Variants in DLG2 observed in about 807,000 individuals in gnomAD.
The protein encoded by DLG2 is discs large MAGUK scaffold protein 2, also known as disks large homolog 2.
A neutral mutation model predicts 132.5 loss-of-function variants in DLG2; 45 were observed. That is an observed-to-expected ratio of 0.34 (90% CI 0.27 to 0.44). DLG2 has a LOEUF of 0.44. DLG2 is among the 20% of genes least tolerant of loss of function. The pLI is 1.00. For synonymous variants in DLG2, 424 were observed against 419.6 expected (o/e 1.01, Z -0.13); for missense variants, 1,045 against 1,196.9 (o/e 0.87, Z 1.87).
intron 3 of DLG2, among the ~76,000 whole-genome samples, chr11:85,589,119 G>C (rs527508882): frequency 6.6e-6 from 1 of 152,340 alleles, no homozygotes; most frequent in African/African-American, 2.4e-5. Flanking sequence ...TTGTAGATAT[G>C]TTTAGTGTGC....
intron 4 of DLG2, among the ~76,000 whole-genome samples, chr11:85,272,491 C>T (rs1464124987): frequency 6.6e-6 from 1 of 152,122 alleles, no homozygotes; most frequent in Non-Finnish European, 1.5e-5. Context: ...AGGCAGAATT[C>T]CTTCTCCAGA....
At position 85,167,540 on chromosome 11, in the gene DLG2, G is replaced by A. The variant is rs113634169; in HGVS notation, c.187-12889C>T. ...AGAGGAACCCTCCTAATACCCAGAG[G>A]GAAAGAACATCCTTGTGCTCAAAGA... On this transcript the variant is annotated intron_variant, in intron 4 of 27. Transcript: ENST00000376104. Among the ~76,000 whole-genome samples the A allele has an allele frequency of 1.3e-3, 194 of 152,060 alleles. 1 individual carries two copies. Among genetic ancestry groups the A allele is most frequent in the African/African-American group, 4.5e-3 (185 of 41,486 alleles).
chr11:84,774,579 T>C (rs2153896036), intron 6 of DLG2, among the ~76,000 whole-genome samples: 1 of 152,254 alleles, frequency 6.6e-6, no homozygotes, highest in African/African-American at 2.4e-5. Context: ...CAAAACAGTA[T>C]GGCACTGGTA....
chr11:84,338,339 G>C (rs2098497613), intron 7 of DLG2, among the ~76,000 whole-genome samples: 1 of 151,950 alleles, frequency 6.6e-6, no homozygotes, highest in African/African-American at 2.4e-5. Context: ...TCTCTTCTCT[G>C]AAAATGTTTA....
chr11:84,065,802 T>C (rs7108711), intron 10 of DLG2, among the ~76,000 whole-genome samples: 120,566 of 152,102 alleles, frequency 0.79, 49,078 homozygotes, highest in Middle Eastern at 0.92. Flanking sequence ...ATAGCAAAGA[T>C]ATAGACTCAA....
At chr11:84,299,627 T>C (rs571132353) in intron 7 of DLG2, among the ~76,000 whole-genome samples, 1 of 152,244 alleles carries the variant, frequency 6.6e-6, no homozygotes, top group South Asian at 2.1e-4. Context: ...AGGCTCTGAG[T>C]GAACTGCAAA....
chr11:83,689,999 ATATT>A lies in DLG2; in HGVS notation c.1826-56678_1826-56675del, dbSNP rs1433686643. 8.4e-3 allele frequency among the ~76,000 whole-genome samples: 1,215 copies of A among 144,222 alleles called. 20 individuals carry two copies. Among genetic ancestry groups the A allele is most frequent in the African/African-American group, 0.028 (1,111 of 39,324 alleles). 94.6% of individuals were successfully genotyped at this position (144,222 alleles called of 152,430 possible). ...ATTATAATATATTTATTATAATATT[ATATT>A]TATTATAATATTTAATAAATATTTA... is the stretch of plus-strand genomic sequence containing the variant. On this transcript the variant is annotated intron_variant, in intron 18 of 27. Coordinates refer to ENST00000376104, the MANE Select transcript of DLG2 (RefSeq NM_001142699.3).
chr11:83,671,132 G>T (rs1246120102), intron 18 of DLG2, among the ~76,000 whole-genome samples: 1 of 152,094 alleles, frequency 6.6e-6, no homozygotes, highest in African/African-American at 2.4e-5. Context: ...AACTAAATGG[G>T]TTTGGTACAA....
At chr11:84,339,941 C>A (rs559155942) in intron 7 of DLG2, among the ~76,000 whole-genome samples, 1 of 152,108 alleles carries the variant, frequency 6.6e-6, no homozygotes, top group South Asian at 2.1e-4. Context: ...CCTGGCCATA[C>A]GTCCATCTAA....
intron 6 of DLG2, among the ~76,000 whole-genome samples, chr11:84,782,896 G>T (rs780144528): frequency 6.6e-6 from 1 of 151,982 alleles, no homozygotes; most frequent in Non-Finnish European, 1.5e-5. Context: ...CAGCATCAGC[G>T]TACCTTTCTG....
chr11:84,863,933 T>TA (rs1011881058), intron 6 of DLG2, among the ~76,000 whole-genome samples: 10 of 152,272 alleles, frequency 6.6e-5, no homozygotes, highest in South Asian at 6.2e-4. Context: ...TTTGAGTTTT[T>TA]AAAAAAATAC....
At chr11:84,505,736 T>A (rs975278001) in intron 7 of DLG2, among the ~76,000 whole-genome samples, 1 of 152,156 alleles carries the variant, frequency 6.6e-6, no homozygotes, top group Non-Finnish European at 1.5e-5. Flanking sequence ...ATGTGACATC[T>A]TCATACACCT....
At chr11:83,667,125 A>AG (rs1452339865) in intron 18 of DLG2, among the ~76,000 whole-genome samples, 2 of 152,220 alleles carry the variant, frequency 1.3e-5, no homozygotes, top group East Asian at 3.8e-4. Flanking sequence ...TAAAAATATG[A>AG]ATAAAGGATA....
chr11:83,775,721 CTT>C (rs11388016), intron 18 of DLG2, among the ~76,000 whole-genome samples: 2 of 143,640 alleles, frequency 1.4e-5, no homozygotes. Flanking sequence ...TGTCATTATT[CTT>C]TTTTTTTTTT....
intron 6 of DLG2, among the ~76,000 whole-genome samples, chr11:84,844,659 G>A (rs1330698259): frequency 6.6e-6 from 1 of 151,854 alleles, no homozygotes; most frequent in Non-Finnish European, 1.5e-5. Flanking sequence ...CTTATATCTA[G>A]GTCTCTAGAC....
chr11:83,910,547 G>C (rs1477771384), intron 15 of DLG2, among the ~76,000 whole-genome samples: 2 of 152,066 alleles, frequency 1.3e-5, no homozygotes, highest in African/African-American at 4.8e-5. Context: ...GTTTCAAATA[G>C]CTAGAAGGAA....
chr11:85,067,433 T>A (rs900855125), intron 6 of DLG2, among the ~76,000 whole-genome samples: 8 of 151,924 alleles, frequency 5.3e-5, no homozygotes, highest in Non-Finnish European at 1.2e-4. Flanking sequence ...TTAATTGTGA[T>A]GTTAGGGCGT....
At chr11:85,090,045 T>C (rs116847790) in intron 6 of DLG2, among the ~76,000 whole-genome samples, 4 of 152,314 alleles carry the variant, frequency 2.6e-5, no homozygotes, top group Non-Finnish European at 5.9e-5. Context: ...AATATTCTAT[T>C]ATGCATTATG....
chr11:84,301,832 G>C (rs765887977), intron 7 of DLG2, among the ~76,000 whole-genome samples: 1 of 151,942 alleles, frequency 6.6e-6, no homozygotes, highest in Non-Finnish European at 1.5e-5. Flanking sequence ...ATTTGACCCA[G>C]CAATCCCATT....
Sources: gnomAD v4.1 joint callset for allele counts (sites outside exome capture counted in the v4.1 genomes callset) on GRCh38, gnomAD v4.1.1 for gene constraint, MANE v1.5 for transcripts, NCBI Gene and HGNC (gene_info 2026-07-23, HGNC 2026-07-21) for gene names.